Variants in NIBAN1 observed in about 807,000 individuals in gnomAD.
The protein encoded by NIBAN1 is protein Niban 1.
Under a neutral mutation model 75.1 loss-of-function variants are expected in NIBAN1, and 81 were observed. That is an observed-to-expected ratio of 1.08 (90% confidence interval 0.90 to 1.30). The LOEUF (loss-of-function observed/expected upper bound fraction) is 1.30, where lower values mean the gene tolerates loss of function less well. NIBAN1 is among the 50% of genes most tolerant of loss of function. The pLI, the probability that NIBAN1 is intolerant of heterozygous loss-of-function variation, is 0.00. For synonymous variants in NIBAN1, 436 were observed against 424.8 expected (o/e 1.03, Z -0.32); for missense variants, 1,133 against 1,128.1 (o/e 1.00, Z -0.06).
chr1:184,899,250 CCA>C lies in NIBAN1; in HGVS notation c.113_114del (p.Val38GlyfsTer9). 2 of 1,613,944 alleles carry C rather than the reference CCA, an allele frequency of 1.2e-6. No homozygotes were observed. The highest frequency in any genetic ancestry group is 2.2e-5 in the East Asian group (1 of 44,880). ...TCAGTGCGCACGTGATTGCAGAAAGCCACAGAGTACTGACGACTGTAGTAGGG... is the reference window on the plus strand; with the variant it reads ...TCAGTGCGCACGTGATTGCAGAAAGCCAGAGTACTGACGACTGTAGTAGGG... The part of the protein sequence containing the change: ...FSPYYSRQYS[V>X]AFCNHVRTEV... On this transcript the variant is annotated frameshift_variant, in exon 2 of 14. Coordinates refer to ENST00000367511, the MANE Select transcript of NIBAN1 (RefSeq NM_052966.4). LOFTEE classifies it high-confidence loss of function.
intron 1 of NIBAN1, among the ~76,000 whole-genome samples, chr1:184,943,057 T>C (rs911492078): frequency 6.6e-6 from 1 of 152,254 alleles, no homozygotes; most frequent in Non-Finnish European, 1.5e-5. Flanking sequence ...TGATTAGCTT[T>C]GGGTCATAGG....
chr1:184,836,150 C>T (rs925830198), intron 5 of NIBAN1, among the ~76,000 whole-genome samples: 60 of 152,128 alleles, frequency 3.9e-4, no homozygotes, highest in Non-Finnish European at 1.9e-4. Flanking sequence ...CCATTGGCAG[C>T]GTTCTCTCCA....
At chr1:184,906,711 A>G (rs908129977) in intron 1 of NIBAN1, among the ~76,000 whole-genome samples, 7 of 152,234 alleles carry the variant, frequency 4.6e-5, no homozygotes, top group African/African-American at 1.4e-4. Flanking sequence ...AGTTTTGTCC[A>G]TGAAATTATT....
intron 1 of NIBAN1, among the ~76,000 whole-genome samples, chr1:184,973,939 T>C (rs899032807): frequency 1.3e-5 from 2 of 152,206 alleles, no homozygotes; most frequent in Non-Finnish European, 2.9e-5. Context: ...ATATCCCCGC[T>C]GCTCTCTTGG....
chr1:184,943,011 A>G (rs955589764), intron 1 of NIBAN1, among the ~76,000 whole-genome samples: 1 of 152,246 alleles, frequency 6.6e-6, no homozygotes, highest in Non-Finnish European at 1.5e-5. Flanking sequence ...GCTGTTTTGG[A>G]AAGTGATATC....
chr1:184,884,735 A>T lies in NIBAN1; in HGVS notation c.499T>A (p.Trp167Arg). ...VLPKEFPVYL[W>R]QPFFRHGYFC... is the part of the protein sequence containing the mutation. ...TAGCCGTGTCTGAAGAAGGGCTGCC[A>T]CAGGTACACTGGGAATTCCTTGGGC... Residue 167 changes from tryptophan (W) to arginine (R), a missense_variant, in exon 5 of 14, where the codon TGG becomes AGG. Coordinates refer to ENST00000367511, the MANE Select transcript of NIBAN1 (RefSeq NM_052966.4). The T allele has an allele frequency of 6.2e-7, 1 of 1,614,116 alleles. No individual in the cohort carries two copies.
intron 1 of NIBAN1, among the ~76,000 whole-genome samples, chr1:184,952,236 CA>C (rs1476009909): frequency 6.6e-6 from 1 of 152,050 alleles, no homozygotes; most frequent in Non-Finnish European, 1.5e-5. Context: ...CTCATCTCTA[CA>C]AAAGAAAATT....
intron 5 of NIBAN1, 22 bp from the exon 6 acceptor site, chr1:184,831,984 A>T (rs370838022): frequency 2.9e-5 from 46 of 1,564,136 alleles, no homozygotes; most frequent in Non-Finnish European, 4.0e-5. Flanking sequence ...AAGAAAGGGC[A>T]TTCAGCAAGA....
At chr1:184,872,137 A>C (rs1171928419) in intron 5 of NIBAN1, among the ~76,000 whole-genome samples, 1 of 152,176 alleles carries the variant, frequency 6.6e-6, no homozygotes, top group African/African-American at 2.4e-5. Context: ...ATTAGCAAAC[A>C]CGGAATATAA....
chr1:184,840,382 G>T (rs574065958), intron 5 of NIBAN1, among the ~76,000 whole-genome samples: 50 of 152,276 alleles, frequency 3.3e-4, no homozygotes, highest in African/African-American at 1.2e-3. Context: ...AAGAATACAT[G>T]TATACCCCAT....
intron 1 of NIBAN1, among the ~76,000 whole-genome samples, chr1:184,943,853 G>A (rs188584362): frequency 6.6e-6 from 1 of 152,066 alleles, no homozygotes; most frequent in African/African-American, 2.4e-5. Flanking sequence ...AGACACCGAG[G>A]TGATATAACA....
intron 1 of NIBAN1, among the ~76,000 whole-genome samples, chr1:184,931,903 T>C (rs1461153477): frequency 6.6e-6 from 1 of 152,252 alleles, no homozygotes; most frequent in African/African-American, 2.4e-5. Context: ...ACTGAGGTCA[T>C]GTTCACATCA....
At position 184,932,694 on chromosome 1, in the gene NIBAN1, T is replaced by G. The variant is rs140360323; in HGVS notation, c.56-33385A>C. On this transcript the variant is annotated intron_variant, in intron 1 of 13. Coordinates refer to ENST00000367511, the MANE Select transcript of NIBAN1 (RefSeq NM_052966.4). The stretch of plus-strand genomic sequence containing the variant: ...CATAGGCTCACATATTCTTTTCTTT[T>G]GTATATTTGACTTATTTGACTTAAA... 5.9e-4 allele frequency among the ~76,000 whole-genome samples: 90 copies of G among 152,362 alleles called. 1 individual carries two copies. The East Asian group carries it at 0.016, about 27-fold the overall frequency.
chr1:184,939,865 C>G (rs553821493), intron 1 of NIBAN1, among the ~76,000 whole-genome samples: 4 of 152,282 alleles, frequency 2.6e-5, no homozygotes, highest in African/African-American at 9.6e-5. Context: ...TTGCACACCT[C>G]TGGTGGGTAG....
At chr1:184,956,767 A>G (rs1320387699) in intron 1 of NIBAN1, among the ~76,000 whole-genome samples, 1 of 152,202 alleles carries the variant, frequency 6.6e-6, no homozygotes, top group Non-Finnish European at 1.5e-5. Context: ...AGGCTTTAAC[A>G]AACCACCAAA....
At chr1:184,833,207 A>C (rs1183746216) in intron 5 of NIBAN1, among the ~76,000 whole-genome samples, 2 of 151,168 alleles carry the variant, frequency 1.3e-5, no homozygotes, top group Non-Finnish European at 2.9e-5. Flanking sequence ...AACTAAGCAG[A>C]ACTAAAAAAG....
intron 5 of NIBAN1, among the ~76,000 whole-genome samples, chr1:184,873,376 G>T (rs1037660814): frequency 1.3e-5 from 2 of 152,200 alleles, no homozygotes; most frequent in African/African-American, 4.8e-5. Flanking sequence ...TTGGCATATT[G>T]ATTATTTTGA....
chr1:184,974,232 C>T (rs1297648093), intron 1 of NIBAN1, 70 bp downstream of exon 1: 45 of 1,411,620 alleles, frequency 3.2e-5, no homozygotes, highest in Non-Finnish European at 3.8e-5. Context: ...CCCCTTGGGG[C>T]CCCGACCGCG....
chr1:184,811,421 C>G (rs1264025789), intron 9 of NIBAN1, among the ~76,000 whole-genome samples: 1 of 151,228 alleles, frequency 6.6e-6, no homozygotes, highest in East Asian at 1.9e-4. Flanking sequence ...TGAAGTCTTA[C>G]AGAAACAGCA....
Sources: gnomAD v4.1 joint callset for allele counts (sites outside exome capture counted in the v4.1 genomes callset) on GRCh38, gnomAD v4.1.1 for gene constraint, MANE v1.5 for transcripts, NCBI Gene and HGNC (gene_info 2026-07-23, HGNC 2026-07-21) for gene names.